The following KSR2 variants were observed in gnomAD, a reference collection of about 807,000 sequenced individuals.
The protein encoded by KSR2 is kinase suppressor of ras 2.
KSR2 carries 25 observed loss-of-function variants against 107.8 expected under a neutral mutation model. That is an observed-to-expected ratio of 0.23 (90% CI 0.17 to 0.32). The LOEUF is 0.32. Ranked by LOEUF, KSR2 falls within the 10% of genes least tolerant of loss-of-function variation. KSR2 has a pLI of 1.00. For synonymous variants in KSR2, 480 were observed against 507.0 expected, an observed-to-expected ratio of 0.95 and a Z score of 0.71; for missense variants, 887 against 1,268.9, an observed-to-expected ratio of 0.70 and a Z score of 4.57.
At position 117,760,948 on chromosome 12, in the gene KSR2, C is replaced by G. The variant is rs954213666; in HGVS notation, c.986+63G>C. ...CCTTGACCTGGGCAGTTCCTGGGACCAAGGGGCAGCCCCTCGCAGGCCGGG... is the reference window on the plus strand; with the variant it reads ...CCTTGACCTGGGCAGTTCCTGGGACGAAGGGGCAGCCCCTCGCAGGCCGGG... On this transcript the variant is annotated intron_variant, in intron 4 of 19. Transcript: ENST00000339824. 166 of 1,600,808 alleles carry G rather than the reference C, an allele frequency of 1.0e-4. 1 individual carries two copies. In the Middle Eastern group the frequency reaches 1.5e-3, roughly 14 times the overall value.
chr12:117,602,889 C>A (rs4767576), intron 5 of KSR2, among the ~76,000 whole-genome samples: 44,245 of 151,962 alleles, frequency 0.29, 6,481 homozygotes, highest in Admixed American at 0.32. Flanking sequence ...TCCCTCTAGG[C>A]CCAGGAACTG....
chr12:117,631,070 C>T (rs962224555), intron 5 of KSR2, among the ~76,000 whole-genome samples: 2 of 152,108 alleles, frequency 1.3e-5, no homozygotes, highest in Non-Finnish European at 2.9e-5. Flanking sequence ...ATAGTCCCAA[C>T]ACTTTGGGAG....
intron 4 of KSR2, among the ~76,000 whole-genome samples, chr12:117,690,736 A>G (rs1428763573): frequency 6.6e-6 from 1 of 152,222 alleles, no homozygotes; most frequent in Admixed American, 6.5e-5. Context: ...GCCAGCACAC[A>G]GGTTAATTAA....
intron 3 of KSR2, among the ~76,000 whole-genome samples, chr12:117,795,802 G>A (rs928489201): frequency 6.6e-6 from 1 of 152,008 alleles, no homozygotes; most frequent in African/African-American, 2.4e-5. Flanking sequence ...GTAGAGACAG[G>A]GTCTCACTAT....
intron 5 of KSR2, among the ~76,000 whole-genome samples, chr12:117,596,552 G>A (rs1461782642): frequency 6.6e-6 from 1 of 151,882 alleles, no homozygotes; most frequent in African/African-American, 2.4e-5. Flanking sequence ...TTCACTATTG[G>A]GTCTCCTACA....
intron 17 of KSR2, among the ~76,000 whole-genome samples, chr12:117,472,907 C>T (rs538640613): frequency 6.6e-6 from 1 of 152,220 alleles, no homozygotes; most frequent in Non-Finnish European, 1.5e-5. Flanking sequence ...CTGCCCCTTC[C>T]AGGAACAGCC....
chr12:117,925,542 G>T (rs542917835), intron 1 of KSR2, among the ~76,000 whole-genome samples: 1 of 152,262 alleles, frequency 6.6e-6, no homozygotes, highest in African/African-American at 2.4e-5. Context: ...CAATTACTGA[G>T]TTGTTCACTA....
At chr12:117,633,086 C>A (rs1187111171) in intron 5 of KSR2, among the ~76,000 whole-genome samples, 1 of 152,208 alleles carries the variant, frequency 6.6e-6, no homozygotes, top group Non-Finnish European at 1.5e-5. Context: ...AAAGCTGGAG[C>A]ATACCCCTTT....
In KSR2 at chr12:117,567,934, G is replaced by T. The variant is rs545304766; in HGVS notation, c.1326-9361C>A. ...AGCCAGTGCTTCTAGAAATGCCTCC[G>T]TATGCTCCAAGTACAGGATATCAAA... On this transcript the variant is annotated intron_variant, in intron 7 of 19. Coordinates refer to ENST00000339824, the MANE Select transcript of KSR2 (RefSeq NM_173598.6). Among the ~76,000 whole-genome samples the T allele has an allele frequency of 2.0e-5, 3 of 151,586 alleles. No homozygotes were observed. The East Asian group carries it at 5.8e-4, about 29-fold the overall frequency.
At chr12:117,940,755 C>T (rs937435647) in intron 1 of KSR2, among the ~76,000 whole-genome samples, 1 of 152,170 alleles carries the variant, frequency 6.6e-6, no homozygotes, top group East Asian at 1.9e-4. Context: ...ACTTTTATAG[C>T]ATTTTTTGTT....
At chr12:117,731,301 T>G (rs1282392332) in intron 4 of KSR2, among the ~76,000 whole-genome samples, 2 of 128,996 alleles carry the variant, frequency 1.6e-5, no homozygotes, top group Non-Finnish European at 1.6e-5. Context: ...GTGAGGAGCG[T>G]CTCCGCCCAG....
At chr12:117,572,122 G>A (rs1236499510) in intron 7 of KSR2, among the ~76,000 whole-genome samples, 1 of 152,142 alleles carries the variant, frequency 6.6e-6, no homozygotes, top group African/African-American at 2.4e-5. Context: ...TATGCTCAAG[G>A]CCTTTAACGT....
intron 5 of KSR2, among the ~76,000 whole-genome samples, chr12:117,583,451 GGATGGA>G (rs1565912072): frequency 6.6e-6 from 1 of 151,074 alleles, no homozygotes; most frequent in Non-Finnish European, 1.5e-5. Context: ...ATGGATGGAT[GGATGGA>G]TGGATGGGTG....
chr12:117,469,827 T>A, intron 18 of KSR2, 32 bp from the exon 19 acceptor site: 1 of 1,610,198 alleles, frequency 6.2e-7, no homozygotes, highest in Non-Finnish European at 8.5e-7. Flanking sequence ...TGATTACACA[T>A]AAATGGTGAT....
At chr12:117,549,422 G>T (rs1877122445) in intron 9 of KSR2, among the ~76,000 whole-genome samples, 1 of 151,928 alleles carries the variant, frequency 6.6e-6, no homozygotes, top group Non-Finnish European at 1.5e-5. Context: ...CAAAAAGATG[G>T]TCATCGTCTA....
chr12:117,679,299 C>T (rs1410785713), intron 4 of KSR2, among the ~76,000 whole-genome samples: 1 of 152,228 alleles, frequency 6.6e-6, no homozygotes, highest in African/African-American at 2.4e-5. Context: ...TGTGCATTAA[C>T]TCATGCGGTC....
At chr12:117,672,082 C>T (rs1289326678) in intron 4 of KSR2, among the ~76,000 whole-genome samples, 3 of 152,134 alleles carry the variant, frequency 2.0e-5, no homozygotes, top group African/African-American at 7.2e-5. Context: ...CAAGGAGCCT[C>T]CAGTTATAGC....
chr12:117,497,279 C>T (rs2062228399), intron 14 of KSR2, among the ~76,000 whole-genome samples: 1 of 152,082 alleles, frequency 6.6e-6, no homozygotes, highest in African/African-American at 2.4e-5. Context: ...AGACAATATG[C>T]AAATAAAATA....
At chr12:117,597,408 T>C (rs1880709931) in intron 5 of KSR2, among the ~76,000 whole-genome samples, 1 of 152,186 alleles carries the variant, frequency 6.6e-6, no homozygotes, top group Non-Finnish European at 1.5e-5. Context: ...GGAATCCTCC[T>C]GGATTATCCA....
Sources: allele counts gnomAD v4.1 joint callset (sites outside exome capture counted in the v4.1 genomes callset), GRCh38; gene constraint gnomAD v4.1.1; transcripts MANE v1.5; gene names NCBI Gene and HGNC (gene_info 2026-07-23, HGNC 2026-07-21).